The following FNIP2 variants were observed in gnomAD, a reference collection of about 807,000 sequenced individuals.
FNIP2 encodes the protein folliculin-interacting protein 2.
A neutral mutation model predicts 108.7 loss-of-function variants in FNIP2; 32 were observed. The ratio of observed to expected loss-of-function variants is 0.29; its 90% CI spans 0.22 to 0.40. The LOEUF is 0.40. Among genes scored for constraint, FNIP2 ranks in the 10% least tolerant of loss-of-function variants. The pLI, the probability that FNIP2 is intolerant of heterozygous loss-of-function variation, is 1.00. For missense variants in FNIP2, 1,202 were observed against 1,381.6 expected, an observed-to-expected ratio of 0.87 and a Z score of 2.06; for synonymous variants, 480 against 496.7, an observed-to-expected ratio of 0.97 and a Z score of 0.45.
chr4:158,829,711 G>GGTGTGT (rs142274727), intron 3 of FNIP2, among the ~76,000 whole-genome samples: 191 of 148,354 alleles, frequency 1.3e-3, no homozygotes, highest in African/African-American at 4.0e-3. Context: ...GTGTGTGTGG[G>GGTGTGT]GTGTGTGTGT....
chr4:158,868,761 C>T lies in FNIP2; in HGVS notation c.2125C>T (p.Arg709Trp), dbSNP rs868510392. 30 of 1,613,726 alleles carry T rather than the reference C, an allele frequency of 1.9e-5. No individual in the cohort carries two copies. The highest frequency in any genetic ancestry group is 4.5e-5 in the East Asian group (2 of 44,900). The change falls in exon 13 of 17, where the codon CGG (arginine) becomes TGG (tryptophan). Residue 709 changes from arginine to tryptophan, a missense_variant. Around this residue, in one of 5 missense-constraint regions of FNIP2, gnomAD observed 878 missense variants for 990.3 expected, o/e 0.89. Transcript: ENST00000264433. This position sits in a 1 kb window ranked among gnomAD's most constrained non-coding sequence, Gnocchi z 4.6. ...VAWPCPDRHL[R>W]EKPSLEKVTF... ...CTGGCCTTGCCCTGACAGACATCTCCGGGAGAAACCTTCCTTAGAAAAGGT... is the reference window on the plus strand; with the variant it reads ...CTGGCCTTGCCCTGACAGACATCTCTGGGAGAAACCTTCCTTAGAAAAGGT...
chr4:158,876,477 C>T (rs922574762), intron 14 of FNIP2, among the ~76,000 whole-genome samples: 3 of 152,218 alleles, frequency 2.0e-5, no homozygotes, highest in Admixed American at 6.5e-5. Flanking sequence ...TTCCTCACAC[C>T]TCTCTGCCTA....
rs1375119437 is a variant in FNIP2 at position 158,869,424 on chromosome 4, C to T, written c.2788C>T (p.Pro930Ser). Residue 930 changes from proline to serine, a missense_variant, in exon 13 of 17, where the codon CCA becomes TCA. This residue lies in a region of FNIP2 where 878 missense variants were observed against 990.3 expected (regional missense o/e 0.89). Coordinates refer to ENST00000264433, the MANE Select transcript of FNIP2 (RefSeq NM_020840.3). ...GGSLEVELPL[P>S]RSQSISTQNV... The stretch of plus-strand genomic sequence containing the variant: ...GTCCTTGGAAGTGGAGCTGCCTCTG[C>T]CAAGGTAACTCCAGCAGGCTGGGAA... 6 of 1,594,800 alleles carry T rather than the reference C, an allele frequency of 3.8e-6. No homozygotes were observed. The African/African-American group carries it at 6.7e-5, about 18-fold the overall frequency.
intron 7 of FNIP2, among the ~76,000 whole-genome samples, chr4:158,836,811 CAAAAAAAA>C (rs34469888): frequency 1.5e-4 from 6 of 39,564 alleles, no homozygotes; most frequent in East Asian, 1.6e-3. Context: ...GACTCCGTCT[CAAAAAAAA>C]AAAAAAAAAA....
chr4:158,868,315 G>A lies in FNIP2; in HGVS notation c.1679G>A (p.Gly560Glu). The A allele has an allele frequency of 6.2e-7, 1 of 1,614,066 alleles. No individual in the cohort carries two copies. The highest frequency in any genetic ancestry group is 8.5e-7 in the Non-Finnish European group (1 of 1,179,910). Residue 560 changes from glycine to glutamate, a missense_variant, in exon 13 of 17, where the codon GGA (glycine) becomes GAA (glutamate). Physicochemically the swap from Gly to Glu is moderately conservative, Grantham distance 98. Transcript: ENST00000264433. The surrounding 1 kb of genome is among the most constrained non-coding windows in gnomAD (Gnocchi z 4.6). Reference protein sequence around the residue: ...GSKIITALEKGEVEESEYVVI... With the variant: ...GSKIITALEKEEVEESEYVVI... ...AAGATCATAACAGCCTTGGAGAAAG[G>A]AGAGGTGGAGGAGTCTGAGTATGTG... is the stretch of plus-strand genomic sequence containing the variant.
chr4:158,904,395 AAAAG>A (rs1579022001), intron 16 of FNIP2, 67 bp from the exon 17 acceptor site: 1 of 1,373,174 alleles, frequency 7.3e-7, no homozygotes, highest in East Asian at 2.3e-5. Flanking sequence ...CTTTCTCATA[AAAAG>A]AAATAATACT....
intron 14 of FNIP2, among the ~76,000 whole-genome samples, chr4:158,883,204 A>C (rs905474470): frequency 4.6e-5 from 7 of 151,782 alleles, no homozygotes; most frequent in African/African-American, 1.7e-4. Context: ...TACCTGAATC[A>C]TAAGTTGCCT....
chr4:158,769,177 C>G lies in FNIP2; in HGVS notation c.-36C>G, dbSNP rs1207609213. ...CGGCTGCGCGCTGAGCCGCCGGCCC[C>G]CCGAGCGCCACGGCCGGAGCTGCGG... On this transcript the variant is annotated 5_prime_UTR_variant, in exon 1 of 17. Transcript: ENST00000264433. 49 of 1,192,600 alleles carry G rather than the reference C, an allele frequency of 4.1e-5. No homozygotes were observed. Among genetic ancestry groups the G allele is most frequent in the Admixed American group, 9.7e-5 (3 of 31,088 alleles). The allele number at this position is 1,192,600 out of a possible 1,614,324, so 73.9% of individuals were successfully genotyped here.
chr4:158,890,141 C>A, intron 14 of FNIP2: 1 of 984,966 alleles, frequency 1.0e-6, no homozygotes, highest in Non-Finnish European at 1.2e-6. Flanking sequence ...TTATCAAATT[C>A]TTTATCTCTC....
chr4:158,830,756 G>T (rs1778437679), intron 3 of FNIP2, among the ~76,000 whole-genome samples: 1 of 152,160 alleles, frequency 6.6e-6, no homozygotes, highest in South Asian at 2.1e-4. Context: ...AATATAGTTG[G>T]CAGGTCGGGG....
intron 14 of FNIP2, among the ~76,000 whole-genome samples, chr4:158,879,816 T>C (rs1276913047): frequency 6.7e-6 from 1 of 150,140 alleles, no homozygotes; most frequent in African/African-American, 2.5e-5. Context: ...AGAAGACATT[T>C]ATGCAGCCAA....
At chr4:158,839,179 A>C (rs1778978078) in intron 7 of FNIP2, among the ~76,000 whole-genome samples, 1 of 152,162 alleles carries the variant, frequency 6.6e-6, no homozygotes. Context: ...CCCATACCTA[A>C]GGGGTGGGGA....
intron 1 of FNIP2, among the ~76,000 whole-genome samples, chr4:158,795,274 A>C (rs1212097366): frequency 6.6e-6 from 1 of 152,236 alleles, no homozygotes; most frequent in African/African-American, 2.4e-5. Context: ...CAGCCTTAGT[A>C]AATATGACAG....
chr4:158,793,518 A>C (rs965525411), intron 1 of FNIP2, among the ~76,000 whole-genome samples: 1 of 152,190 alleles, frequency 6.6e-6, no homozygotes, highest in Non-Finnish European at 1.5e-5. Context: ...ACTAATTGCT[A>C]TAAGATGCTT....
intron 14 of FNIP2, chr4:158,889,766 T>G (rs1300775218): frequency 1.0e-6 from 1 of 962,500 alleles, no homozygotes; most frequent in Non-Finnish European, 1.2e-6. Context: ...GTGAAGGAGT[T>G]TGAGCTCAAA....
chr4:158,785,301 G>A (rs775483157), intron 1 of FNIP2, among the ~76,000 whole-genome samples: 1 of 151,934 alleles, frequency 6.6e-6, no homozygotes, highest in Non-Finnish European at 1.5e-5. Flanking sequence ...GGCCAGGATG[G>A]TCGCGATCTC....
intron 14 of FNIP2, chr4:158,871,310 A>T (rs1339449241): frequency 9.0e-6 from 8 of 886,508 alleles, no homozygotes; most frequent in Non-Finnish European, 1.1e-5. Context: ...GACATTTTGT[A>T]TTAGAAACAT....
chr4:158,892,713 AAG>A (rs577330503), intron 15 of FNIP2, among the ~76,000 whole-genome samples: 99 of 152,244 alleles, frequency 6.5e-4, no homozygotes, highest in Non-Finnish European at 1.2e-3. Context: ...TGTGTGAGGA[AAG>A]AGTCTGCTTT....
chr4:158,896,235 C>T (rs1782659420), intron 16 of FNIP2, among the ~76,000 whole-genome samples: 1 of 152,120 alleles, frequency 6.6e-6, no homozygotes, highest in Admixed American at 6.5e-5. Flanking sequence ...CATTTCACTT[C>T]CTGGAGGAGG....
Sources: gnomAD v4.1 joint callset for allele counts (sites outside exome capture counted in the v4.1 genomes callset) on GRCh38, gnomAD v4.1.1 for gene constraint, gnomAD v4.1.1 regional missense constraint, Gnocchi (gnomAD v3.1) non-coding constraint, MANE v1.5 for transcripts, NCBI Gene and HGNC (gene_info 2026-07-23, HGNC 2026-07-21) for gene names.